The following BCL7B variants were observed in gnomAD, a reference collection of about 807,000 sequenced individuals.
BCL7B encodes BAF chromatin remodeling complex subunit BCL7B, also known as B-cell CLL/lymphoma 7 protein family member B.
Under a neutral mutation model 26.5 loss-of-function variants are expected in BCL7B, and 11 were observed. That is an observed-to-expected ratio of 0.42 (90% confidence interval 0.26 to 0.69). BCL7B has a LOEUF of 0.69. Among genes scored for constraint, BCL7B ranks in the 30% least tolerant of loss-of-function variants. The probability of loss-of-function intolerance (pLI) is 0.28; values close to 1 mark genes in which losing one functional copy is unlikely to be tolerated. For missense variants in BCL7B, 215 were observed against 264.4 expected (o/e 0.81, Z 1.30); for synonymous variants, 111 against 107.9 (o/e 1.03, Z -0.18).
At chr7:73,548,595 C>G (rs915049806) in intron 2 of BCL7B, among the ~76,000 whole-genome samples, 4 of 151,592 alleles carry the variant, frequency 2.6e-5, no homozygotes, top group Non-Finnish European at 5.9e-5. Flanking sequence ...CCAGCCTGGG[C>G]GACAGATTGA....
intron 1 of BCL7B, chr7:73,557,087 A>T: frequency 6.1e-6 from 6 of 990,176 alleles, no homozygotes; most frequent in Non-Finnish European, 7.2e-6. Flanking sequence ...TGGCGGGCTG[A>T]CACCACTCCA....
chr7:73,544,782 G>C (rs1438416064), intron 2 of BCL7B, among the ~76,000 whole-genome samples: 4 of 152,162 alleles, frequency 2.6e-5, no homozygotes, highest in African/African-American at 9.7e-5. Flanking sequence ...CCAAGGGCCA[G>C]GCACAGTGGC....
At chr7:73,545,830 C>G (rs782115073) in intron 2 of BCL7B, among the ~76,000 whole-genome samples, 9 of 152,212 alleles carry the variant, frequency 5.9e-5, no homozygotes, top group Non-Finnish European at 1.3e-4. Flanking sequence ...CTCCTAAATT[C>G]ATTTACAGAA....
chr7:73,549,934 C>G (rs1451744544), intron 2 of BCL7B, among the ~76,000 whole-genome samples: 1 of 152,100 alleles, frequency 6.6e-6, no homozygotes, highest in African/African-American at 2.4e-5. Flanking sequence ...TTTAGAGGGA[C>G]AGGAGGAAGA....
chr7:73,557,232 G>A, intron 1 of BCL7B: 1 of 1,080,588 alleles, frequency 9.3e-7, no homozygotes. Context: ...GCCGGAAGCC[G>A]GAATCCCCTC....
intron 1 of BCL7B, among the ~76,000 whole-genome samples, chr7:73,552,937 A>G (rs1792232961): frequency 6.6e-6 from 1 of 152,068 alleles, no homozygotes; most frequent in Non-Finnish European, 1.5e-5. Flanking sequence ...TGTTTGTTTT[A>G]GTGAGACAGG....
chr7:73,540,828 T>TAAAA (rs1791736625), intron 3 of BCL7B, among the ~76,000 whole-genome samples: 3 of 2,122 alleles, frequency 1.4e-3, no homozygotes, highest in Admixed American at 8.2e-3. Context: ...AGACTCTGTC[T>TAAAA]CAAAAAAAAA....
At chr7:73,555,237 T>C (rs1265071522) in intron 1 of BCL7B, among the ~76,000 whole-genome samples, 1 of 151,824 alleles carries the variant, frequency 6.6e-6, no homozygotes, top group African/African-American at 2.4e-5. Flanking sequence ...TGAAACCCGG[T>C]CTCCACAAAA....
intron 4 of BCL7B, 171 bp from the exon 5 acceptor site, chr7:73,538,184 G>A (rs1791615239): frequency 2.3e-6 from 1 of 427,972 alleles, no homozygotes; most frequent in East Asian, 3.5e-5. Flanking sequence ...AAGAATGGTG[G>A]AAGGGCAAAA....
chr7:73,548,407 A>C (rs1040074826), intron 2 of BCL7B, among the ~76,000 whole-genome samples: 1 of 152,048 alleles, frequency 6.6e-6, no homozygotes, highest in African/African-American at 2.4e-5. Context: ...CAGACTGAGC[A>C]ACAGAGTGAG....
chr7:73,557,199 G>T, intron 1 of BCL7B: 1 of 1,042,670 alleles, frequency 9.6e-7, no homozygotes. Flanking sequence ...CGCGGGCACC[G>T]ACGCCAGGCA....
chr7:73,541,409 T>C (rs1791766469), intron 3 of BCL7B, among the ~76,000 whole-genome samples: 1 of 151,804 alleles, frequency 6.6e-6, no homozygotes, highest in African/African-American at 2.4e-5. Context: ...CAGAGAGACC[T>C]TTCTAAACCC....
intron 1 of BCL7B, chr7:73,557,195 C>T (rs1792394495): frequency 3.5e-5 from 36 of 1,038,854 alleles, no homozygotes; most frequent in South Asian, 4.6e-5. Flanking sequence ...CGGGCGCGGG[C>T]ACCGACGCCA....
At chr7:73,555,462 A>G (rs1275180677) in intron 1 of BCL7B, among the ~76,000 whole-genome samples, 5 of 152,146 alleles carry the variant, frequency 3.3e-5, no homozygotes, top group Admixed American at 1.3e-4. Context: ...AACTGTGGAA[A>G]GGTCTATGAA....
intron 2 of BCL7B, among the ~76,000 whole-genome samples, chr7:73,546,965 G>C (rs1791977619): frequency 6.6e-6 from 1 of 151,940 alleles, no homozygotes; most frequent in Admixed American, 6.6e-5. Flanking sequence ...AGGAGTTCAA[G>C]ACCAGCCTGA....
chr7:73,557,185 C>T (rs1258720236), intron 1 of BCL7B: 7 of 1,029,624 alleles, frequency 6.8e-6, no homozygotes, highest in Non-Finnish European at 7.0e-6. Context: ...CGGGCTGGGC[C>T]GGGCGCGGGC....
Position 73,556,989 on chromosome 7 carries a change from T to C in BCL7B, c.92+498A>G, listed in dbSNP as rs75247219. On this transcript the variant is annotated intron_variant, in intron 1 of 5. Transcript: ENST00000223368. ...TGGGGGAAAGGGAGGGGTATCCCTC[T>C]GGATGACACCAGGCTTGCTCCCTTG... The C allele has an allele frequency of 2.1e-4, 205 of 988,140 alleles. 2 individuals are homozygous for C. The East Asian group carries it at 0.016, about 79-fold the overall frequency. 61.2% of individuals were successfully genotyped at this position (988,140 alleles called of 1,614,324 possible). A position where few individuals can be genotyped will look rare whatever the true frequency, so the allele number is the denominator to read the frequency against.
Position 73,548,427 on chromosome 7 carries a change from C to T in BCL7B, c.168+3740G>A, listed in dbSNP as rs189655577. 1.1e-4 allele frequency among the ~76,000 whole-genome samples: 17 copies of T among 151,732 alleles called. 2 individuals carry two copies. The highest frequency in any genetic ancestry group is 6.6e-4 in the Admixed American group (10 of 15,224). ...TGAGCAACAGAGTGAGACTCTGTCTCGAAAAAACAAAACAAAATAAGGAAA... is the reference window on the plus strand; with the variant it reads ...TGAGCAACAGAGTGAGACTCTGTCTTGAAAAAACAAAACAAAATAAGGAAA... On this transcript the variant is annotated intron_variant, in intron 2 of 5. Coordinates refer to ENST00000223368, the MANE Select transcript of BCL7B (RefSeq NM_001707.4).
chr7:73,557,025 T>C (rs1554584785), intron 1 of BCL7B: 2 of 987,424 alleles, frequency 2.0e-6, no homozygotes, highest in Non-Finnish European at 1.2e-6. Flanking sequence ...ACAGATGGAC[T>C]AACCCAGAAA....
Sources: allele counts gnomAD v4.1 joint callset (sites outside exome capture counted in the v4.1 genomes callset), GRCh38; gene constraint gnomAD v4.1.1; transcripts MANE v1.5; gene names NCBI Gene and HGNC (gene_info 2026-07-23, HGNC 2026-07-21).